Variants in SETD5 observed in about 807,000 individuals in gnomAD.
The protein encoded by SETD5 is histone-lysine N-methyltransferase SETD5.
A neutral mutation model predicts 153.3 loss-of-function variants in SETD5; 44 were observed. The observed-to-expected ratio is 0.29, with a 90% confidence interval of 0.23 to 0.37. The LOEUF is 0.37. SETD5 is among the 10% of genes least tolerant of loss of function. SETD5 has a pLI of 1.00. For missense variants in SETD5, 1,544 were observed against 1,768.0 expected, an observed-to-expected ratio of 0.87 and a Z score of 2.27; for synonymous variants, 716 against 645.2, an observed-to-expected ratio of 1.11 and a Z score of -1.66.
chr3:9,412,288 T>C (rs1575208285), intron 1 of SETD5, among the ~76,000 whole-genome samples: 1 of 151,786 alleles, frequency 6.6e-6, no homozygotes, highest in South Asian at 2.1e-4. Context: ...ATTTTAGATA[T>C]GGGCATTCTA....
chr3:9,422,119 G>A (rs1291186374), intron 1 of SETD5, among the ~76,000 whole-genome samples: 2 of 152,264 alleles, frequency 1.3e-5, no homozygotes, highest in East Asian at 1.9e-4. Context: ...AGGCCTAGGA[G>A]ATGAGGATTC....
intron 1 of SETD5, among the ~76,000 whole-genome samples, chr3:9,423,888 A>G (rs1383863024): frequency 6.6e-6 from 1 of 152,242 alleles, no homozygotes; most frequent in Non-Finnish European, 1.5e-5. Context: ...TAGAAAATTA[A>G]TTTAAGCGCC....
intron 1 of SETD5, among the ~76,000 whole-genome samples, chr3:9,412,394 T>G (rs1047846173): frequency 2.4e-4 from 33 of 137,050 alleles, no homozygotes; most frequent in Admixed American, 3.8e-4. Flanking sequence ...TGGGTTTTTT[T>G]TTTTTTTTTT....
At position 9,476,854 on chromosome 3, in the gene SETD5, A is replaced by G. The variant is rs1426027163; in HGVS notation, c.*763A>G. On this transcript the variant is annotated 3_prime_UTR_variant, in exon 23 of 23. Coordinates refer to ENST00000402198, the MANE Select transcript of SETD5 (RefSeq NM_001080517.3). Reference sequence around the variant, plus strand: ...AAGCTATTTCACAGCTCAGTAACCCATGAAGTAAGTAGACAAGAAAAGGAG... The same window carrying G: ...AAGCTATTTCACAGCTCAGTAACCCGTGAAGTAAGTAGACAAGAAAAGGAG... 1.3e-5 allele frequency: 2 copies of G among 152,682 alleles called. No homozygotes were observed. Among genetic ancestry groups the G allele is most frequent in the Non-Finnish European group, 2.9e-5 (2 of 68,050 alleles). 9.5% of individuals were successfully genotyped at this position (152,682 alleles called of 1,614,324 possible).
chr3:9,411,625 A>G (rs574786836), intron 1 of SETD5, among the ~76,000 whole-genome samples: 32 of 152,356 alleles, frequency 2.1e-4, no homozygotes, highest in African/African-American at 7.5e-4. Flanking sequence ...TCTCCTAAAC[A>G]TTATGAGCAT....
intron 7 of SETD5, among the ~76,000 whole-genome samples, chr3:9,438,103 C>T (rs558175765): frequency 8.5e-5 from 13 of 152,188 alleles, no homozygotes; most frequent in African/African-American, 3.1e-4. Context: ...AGCACTTTAC[C>T]TAAAGTTTGA....
chr3:9,399,469 G>A (rs772600401), intron 1 of SETD5, among the ~76,000 whole-genome samples: 1 of 151,970 alleles, frequency 6.6e-6, no homozygotes, highest in Non-Finnish European at 1.5e-5. Context: ...GTTTTCTCAG[G>A]ATCATTAGTT....
chr3:9,469,008 T>A (rs1309914129), intron 18 of SETD5, among the ~76,000 whole-genome samples: 1 of 152,180 alleles, frequency 6.6e-6, no homozygotes, highest in Non-Finnish European at 1.5e-5. Context: ...TATGCCTTGT[T>A]CTAGGGTTAA....
intron 8 of SETD5, among the ~76,000 whole-genome samples, chr3:9,441,267 G>T (rs554844246): frequency 6.6e-6 from 1 of 151,934 alleles, no homozygotes; most frequent in East Asian, 1.9e-4. Context: ...ACCCTAGGTA[G>T]GAATTATGTA....
intron 7 of SETD5, 146 bp from the exon 8 acceptor site, chr3:9,440,310 C>T (rs1473395645): frequency 1.7e-6 from 1 of 600,924 alleles, no homozygotes; most frequent in Non-Finnish European, 3.0e-6. Context: ...AAACCAGATC[C>T]TCTGACTCCC....
intron 17 of SETD5, among the ~76,000 whole-genome samples, chr3:9,456,173 A>G (rs918709643): frequency 1.3e-5 from 2 of 151,066 alleles, no homozygotes; most frequent in Admixed American, 1.3e-4. Flanking sequence ...TAACTATATG[A>G]TGTTACTAGA....
chr3:9,445,420 ATGTGGGTTTATTG>A (rs1559426308), intron 12 of SETD5, 120 bp downstream of exon 12: 1 of 1,110,288 alleles, frequency 9.0e-7, no homozygotes, highest in Non-Finnish European at 1.3e-6. Context: ...CTTTATATCA[ATGTGGGTTTATTG>A]TGTTCATACA....
chr3:9,411,348 TTA>T (rs2036540480), intron 1 of SETD5, among the ~76,000 whole-genome samples: 1 of 152,226 alleles, frequency 6.6e-6, no homozygotes, highest in South Asian at 2.1e-4. Flanking sequence ...TTATTTGATT[TTA>T]TGTGTTTTAA....
chr3:9,465,593 A>T (rs1228103028), intron 18 of SETD5, among the ~76,000 whole-genome samples: 1 of 152,156 alleles, frequency 6.6e-6, no homozygotes, highest in Admixed American at 6.5e-5. Context: ...TTTCCTATTC[A>T]GCTTTTCCAA....
At chr3:9,426,183 T>G (rs1164763352) in intron 2 of SETD5, 1 of 135,854 alleles carries the variant, frequency 7.4e-6, no homozygotes, top group Non-Finnish European at 1.5e-5. Flanking sequence ...TGTGTAAGAC[T>G]GGCCTAAAGG....
chr3:9,412,796 T>G (rs2036803234), intron 1 of SETD5, among the ~76,000 whole-genome samples: 2 of 151,842 alleles, frequency 1.3e-5, no homozygotes, highest in Non-Finnish European at 2.9e-5. Flanking sequence ...ATCTGGGGTT[T>G]GCTTTAGATA....
intron 1 of SETD5, among the ~76,000 whole-genome samples, chr3:9,405,222 C>G (rs902836620): frequency 1.3e-5 from 2 of 152,202 alleles, no homozygotes; most frequent in Non-Finnish European, 2.9e-5. Flanking sequence ...GTTGGCCGTT[C>G]ACAGTCATTA....
In SETD5 at chr3:9,397,739, C is replaced by A; in HGVS notation, c.-415C>A. On this transcript the variant is annotated 5_prime_UTR_variant, in exon 1 of 23. Coordinates refer to ENST00000402198, the MANE Select transcript of SETD5 (RefSeq NM_001080517.3). Reference sequence around the variant, plus strand: ...CCTGCGCTCAGAGACTCACGCAGCCCCAGTCCCGCCAGTCCGCCAACACAG... The same window carrying A: ...CCTGCGCTCAGAGACTCACGCAGCCACAGTCCCGCCAGTCCGCCAACACAG... 1 of 169,328 alleles carries A rather than the reference C, an allele frequency of 5.9e-6. No individual in the cohort carries two copies. Among genetic ancestry groups the A allele is most frequent in the East Asian group, 1.7e-4 (1 of 5,816 alleles). The allele number at this position is 169,328 out of a possible 1,614,324, so 10.5% of individuals were successfully genotyped here.
intron 11 of SETD5, among the ~76,000 whole-genome samples, chr3:9,444,803 G>C (rs1349701031): frequency 6.6e-6 from 1 of 152,040 alleles, no homozygotes; most frequent in African/African-American, 2.4e-5. Context: ...CTTGAGCCCA[G>C]GAAACAGAGA....
Sources: gnomAD v4.1 joint callset for allele counts (sites outside exome capture counted in the v4.1 genomes callset) on GRCh38, gnomAD v4.1.1 for gene constraint, MANE v1.5 for transcripts, NCBI Gene and HGNC (gene_info 2026-07-23, HGNC 2026-07-21) for gene names.